The following NTRK1 variants were observed in gnomAD, a reference collection of about 807,000 sequenced individuals.
NTRK1 encodes neurotrophic receptor tyrosine kinase 1, also known as high affinity nerve growth factor receptor.
A neutral mutation model predicts 86.8 loss-of-function variants in NTRK1; 62 were observed. The ratio of observed to expected loss-of-function variants is 0.71; its 90% CI spans 0.58 to 0.88. The LOEUF (loss-of-function observed/expected upper bound fraction) is 0.88, where lower values mean the gene tolerates loss of function less well. Among genes scored for constraint, NTRK1 ranks in the 40% least tolerant of loss-of-function variants. NTRK1 has a pLI of 0.00. For missense variants in NTRK1, 967 were observed against 1,078.4 expected (o/e 0.90, Z 1.45); for synonymous variants, 469 against 456.6 (o/e 1.03, Z -0.35).
chr1:156,867,648 C>CT (rs200106024), intron 4 of NTRK1, among the ~76,000 whole-genome samples: 5,419 of 148,578 alleles, frequency 0.036, 154 homozygotes, highest in East Asian at 0.094. Flanking sequence ...CTTTTCTTTT[C>CT]TTTCTTTCTT....
At chr1:156,830,806 C>T (rs986461139) in intron 1 of NTRK1, among the ~76,000 whole-genome samples, 1 of 152,142 alleles carries the variant, frequency 6.6e-6, no homozygotes, top group South Asian at 2.1e-4. Flanking sequence ...CCGGCCACCT[C>T]GGCCTCCCAA....
In NTRK1 at chr1:156,879,207, G is replaced by T. The variant is rs41489348; in HGVS notation, c.1891G>T (p.Ala631Ser). 1.2e-6 allele frequency: 2 copies of T among 1,614,004 alleles called. No individual in the cohort carries two copies. Among genetic ancestry groups the T allele is most frequent in the Non-Finnish European group, 1.7e-6 (2 of 1,179,974 alleles). Residue 631 changes from alanine (A) to serine (S), a missense_variant, in exon 15 of 17, where the codon GCT becomes TCT. Coordinates refer to ENST00000524377, the MANE Select transcript of NTRK1 (RefSeq NM_002529.4). ...PLGLGQLLAV[A>S]SQVAAGMVYL... ...GGGTCTGGGGCAGCTGCTGGCCGTG[G>T]CTAGCCAGGTCGCTGCGGGGATGGT...
At chr1:156,851,283 C>T in intron 2 of NTRK1, 1 of 1,614,102 alleles carries the variant, frequency 6.2e-7, no homozygotes, top group Non-Finnish European at 8.5e-7. Context: ...AGAGGCCTAA[C>T]CCTTACCCAT....
chr1:156,857,503 C>A (rs1456778807), upstream of NTRK1, among the ~76,000 whole-genome samples: 1 of 152,164 alleles, frequency 6.6e-6, no homozygotes, highest in East Asian at 1.9e-4. Flanking sequence ...AAATACTAGC[C>A]CCTCCAAGGA....
chr1:156,838,829 T>C (rs1235213916), intron 1 of NTRK1, among the ~76,000 whole-genome samples: 1 of 152,202 alleles, frequency 6.6e-6, no homozygotes, highest in Non-Finnish European at 1.5e-5. Flanking sequence ...ATCGGCACTG[T>C]GAGGGTTAGG....
intron 7 of NTRK1, among the ~76,000 whole-genome samples, chr1:156,873,018 A>AGTGT (rs55870362): frequency 0.23 from 29,782 of 130,748 alleles, 3,393 homozygotes; most frequent in South Asian, 0.26. Context: ...TTTCAAAAAG[A>AGTGT]GTGTGTGTGT....
chr1:156,862,159 G>A (rs1456235963), intron 1 of NTRK1, among the ~76,000 whole-genome samples: 1 of 152,176 alleles, frequency 6.6e-6, no homozygotes, highest in Non-Finnish European at 1.5e-5. Flanking sequence ...TATCCGAGGT[G>A]AGGATCATCA....
intron 1 of NTRK1, among the ~76,000 whole-genome samples, chr1:156,831,977 C>T (rs1443694330): frequency 6.6e-6 from 1 of 152,164 alleles, no homozygotes; most frequent in Non-Finnish European, 1.5e-5. Flanking sequence ...CAGCATCATC[C>T]CTGACCACCT....
intron 1 of NTRK1, among the ~76,000 whole-genome samples, chr1:156,834,714 C>A (rs1442011338): frequency 1.4e-5 from 2 of 147,470 alleles, no homozygotes; most frequent in Non-Finnish European, 2.9e-5. Flanking sequence ...GTGATAGAGA[C>A]CCTGTTTCAA....
chr1:156,871,748 C>A lies in NTRK1; in HGVS notation c.843C>A (p.Asn281Lys), dbSNP rs749280653. Residue 281 changes from asparagine (N) to lysine (K), a missense_variant, in exon 7 of 17, where the codon AAC becomes AAA. By Grantham distance (94) the Asn-to-Lys change is moderately conservative. Coordinates refer to ENST00000524377, the MANE Select transcript of NTRK1 (RefSeq NM_002529.4). The stretch of plus-strand genomic sequence containing the variant: ...GGGCAGAGGTCTCTGTTCAGGTCAA[C>A]GTCTCCTGTGAGTCTCAGTGGCAGC... ...VGRAEVSVQV[N>K]VSFPASVQLH... 1.9e-6 allele frequency: 3 copies of A among 1,614,076 alleles called. No homozygotes were observed. The highest frequency in any genetic ancestry group is 2.2e-5 in the South Asian group (2 of 91,086).
chr1:156,844,235 G>A lies in NTRK1; in HGVS notation c.50+2042G>A, dbSNP rs56252149. On this transcript the variant is annotated intron_variant, in intron 2 of 16. Transcript: ENST00000392302. ...AACGATGAGCAGCGTGAGCCCCACA[G>A]GGGTGGCAGTGAGGAGGACATGCAG... The A allele has an allele frequency of 0.16, 256,521 of 1,613,450 alleles. 21,121 individuals are homozygous for A. Among genetic ancestry groups the A allele is most frequent in the African/African-American group, 0.24 (17,762 of 74,968 alleles).
chr1:156,852,551 C>T lies in NTRK1; in HGVS notation c.50+10358C>T, dbSNP rs369869789. Reference sequence around the variant, plus strand: ...ATGGTGCCAGGGTGAGCGGGCCAGCCTCTCCTGAGCAGCTAGGCCCAGGGG... The same window carrying T: ...ATGGTGCCAGGGTGAGCGGGCCAGCTTCTCCTGAGCAGCTAGGCCCAGGGG... On this transcript the variant is annotated intron_variant, in intron 2 of 16. Transcript: ENST00000392302. Among the ~76,000 whole-genome samples the T allele has an allele frequency of 1.4e-3, 217 of 152,368 alleles. 7 individuals carry two copies. The South Asian group carries it at 0.044, about 31-fold the overall frequency.
chr1:156,851,101 A>C, intron 2 of NTRK1: 1 of 696,038 alleles, frequency 1.4e-6, no homozygotes, highest in South Asian at 1.6e-5. Flanking sequence ...AGTCCTGAGA[A>C]GTAAGTAATG....
intron 2 of NTRK1, chr1:156,851,748 A>C: frequency 6.2e-7 from 1 of 1,613,986 alleles, no homozygotes; most frequent in East Asian, 2.2e-5. Context: ...CCTACCTTGC[A>C]CTCTTTAGGG....
intron 2 of NTRK1, chr1:156,853,785 A>G: frequency 6.2e-7 from 1 of 1,608,956 alleles, no homozygotes; most frequent in Non-Finnish European, 8.5e-7. Context: ...CAGCATCTGT[A>G]GTCAGTGTGC....
chr1:156,818,645 G>T (rs1266339891), intron 1 of NTRK1, among the ~76,000 whole-genome samples: 1 of 152,092 alleles, frequency 6.6e-6, no homozygotes, highest in Non-Finnish European at 1.5e-5. Flanking sequence ...TACTGCAAAA[G>T]ACATTATTTC....
chr1:156,876,823 T>C lies in NTRK1; in HGVS notation c.1805+251T>C, dbSNP rs190623011. On this transcript the variant is annotated intron_variant, in intron 14 of 16. Coordinates refer to ENST00000524377, the MANE Select transcript of NTRK1 (RefSeq NM_002529.4). ...GATGGCAAAGGCCGTGAGCTAAAAC[T>C]TTGGGGTGGGTGGGCTTTGCAGAGG... is the stretch of plus-strand genomic sequence containing the variant. 2.0e-3 allele frequency among the ~76,000 whole-genome samples: 308 copies of C among 151,998 alleles called. 2 individuals are homozygous for C. The highest frequency in any genetic ancestry group is 7.1e-3 in the African/African-American group (293 of 41,464).
intron 2 of NTRK1, among the ~76,000 whole-genome samples, chr1:156,850,896 T>C (rs1655182912): frequency 6.6e-6 from 1 of 152,174 alleles, no homozygotes; most frequent in Admixed American, 6.6e-5. Context: ...ACATTATAGG[T>C]AGGCCTTGAC....
intron 1 of NTRK1, among the ~76,000 whole-genome samples, chr1:156,818,662 T>G (rs1317454089): frequency 6.6e-6 from 1 of 152,146 alleles, no homozygotes; most frequent in Non-Finnish European, 1.5e-5. Flanking sequence ...TTTCGTTCTT[T>G]TTTTGGCTGA....
Sources: allele counts gnomAD v4.1 joint callset (sites outside exome capture counted in the v4.1 genomes callset), GRCh38; gene constraint gnomAD v4.1.1; transcripts MANE v1.5; gene names NCBI Gene and HGNC (gene_info 2026-07-23, HGNC 2026-07-21).